The following NELL1 variants were observed in gnomAD, a reference collection of about 807,000 sequenced individuals.
The protein encoded by NELL1 is neural EGFL like 1.
Under a neutral mutation model 107.4 loss-of-function variants are expected in NELL1, and 76 were observed. The observed-to-expected ratio is 0.71, with a 90% CI of 0.59 to 0.86. The LOEUF (loss-of-function observed/expected upper bound fraction) is 0.86, where lower values mean the gene tolerates loss of function less well. Among genes scored for constraint, NELL1 ranks in the 40% least tolerant of loss-of-function variants. The probability of loss-of-function intolerance (pLI) is 0.00; values close to 1 mark genes in which losing one functional copy is unlikely to be tolerated. For synonymous variants in NELL1, 353 were observed against 341.2 expected, an observed-to-expected ratio of 1.03 and a Z score of -0.38; for missense variants, 1,024 against 1,005.5, an observed-to-expected ratio of 1.02 and a Z score of -0.25.
At chr11:21,084,843 C>T (rs552858217) in intron 12 of NELL1, among the ~76,000 whole-genome samples, 3 of 152,222 alleles carry the variant, frequency 2.0e-5, no homozygotes, top group African/African-American at 7.2e-5. Flanking sequence ...ATACACTGTC[C>T]AGGATTTTCC....
chr11:21,194,905 G>A (rs1171113733), intron 13 of NELL1, among the ~76,000 whole-genome samples: 1 of 152,086 alleles, frequency 6.6e-6, no homozygotes, highest in Non-Finnish European at 1.5e-5. Flanking sequence ...CAGATTACAG[G>A]GGTCCATGCT....
chr11:21,376,338 A>G (rs553622486), intron 15 of NELL1, among the ~76,000 whole-genome samples: 117 of 152,016 alleles, frequency 7.7e-4, no homozygotes, highest in Middle Eastern at 3.4e-3. Context: ...TGTCAACTTT[A>G]TTGAAGATCA....
intron 13 of NELL1, among the ~76,000 whole-genome samples, chr11:21,192,121 T>G (rs529894015): frequency 6.6e-6 from 1 of 151,922 alleles, no homozygotes; most frequent in Non-Finnish European, 1.5e-5. Flanking sequence ...ATAATTATGG[T>G]TCTTTATTTC....
chr11:21,093,677 G>A (rs1193140817), intron 12 of NELL1, among the ~76,000 whole-genome samples: 1 of 152,216 alleles, frequency 6.6e-6, no homozygotes, highest in African/African-American at 2.4e-5. Context: ...AAGGCAATGA[G>A]GAGCAAGTCA....
At chr11:21,475,854 C>T (rs555648038) in intron 15 of NELL1, among the ~76,000 whole-genome samples, 12 of 152,242 alleles carry the variant, frequency 7.9e-5, no homozygotes, top group African/African-American at 2.9e-4. Flanking sequence ...GGGTAGAATC[C>T]AGAATTTCAT....
At chr11:20,955,717 A>G (rs929014875) in intron 11 of NELL1, among the ~76,000 whole-genome samples, 5 of 152,174 alleles carry the variant, frequency 3.3e-5, no homozygotes, top group African/African-American at 1.2e-4. Context: ...CATTTAAAAC[A>G]CCTAGCATGC....
intron 5 of NELL1, among the ~76,000 whole-genome samples, chr11:20,908,455 G>A (rs377344966): frequency 6.6e-5 from 10 of 152,142 alleles, no homozygotes; most frequent in African/African-American, 2.4e-4. Context: ...TAACACAGAA[G>A]GAGAAAACCA....
At chr11:21,404,273 C>T (rs1361354775) in intron 15 of NELL1, among the ~76,000 whole-genome samples, 1 of 151,910 alleles carries the variant, frequency 6.6e-6, no homozygotes, top group Non-Finnish European at 1.5e-5. Context: ...TTACTGGACC[C>T]ACAGTAGGTC....
At chr11:20,947,175 A>G (rs1003994884) in intron 10 of NELL1, among the ~76,000 whole-genome samples, 161 bp from the exon 11 acceptor site, 6 of 152,178 alleles carry the variant, frequency 3.9e-5, no homozygotes, top group African/African-American at 9.7e-5. Context: ...CAGGGGTCTC[A>G]TTAATTTAAT....
intron 12 of NELL1, among the ~76,000 whole-genome samples, chr11:21,111,245 A>G (rs796600094): frequency 3.3e-5 from 5 of 152,174 alleles, no homozygotes; most frequent in African/African-American, 9.6e-5. Flanking sequence ...TGCGAGGTCT[A>G]TGTGGCATTT....
At chr11:20,928,568 C>G in intron 9 of NELL1, 89 bp downstream of exon 9, 1 of 1,010,024 alleles carries the variant, frequency 9.9e-7, no homozygotes, top group Non-Finnish European at 1.5e-6. Context: ...AACTGATTGA[C>G]ATTGATGAAA....
At position 21,328,876 on chromosome 11, in the gene NELL1, A is replaced by C. The variant is rs192651166; in HGVS notation, c.1550-41977A>C. On this transcript the variant is annotated intron_variant, in intron 14 of 19. Coordinates refer to ENST00000357134, the MANE Select transcript of NELL1 (RefSeq NM_006157.5). ...CCCTTTGTTTTGGCCAATTTCTCCC[A>C]TTTTTAATGGGTGTATTTACCCAAT... Among the ~76,000 whole-genome samples, 351 of 152,218 alleles carry C rather than the reference A, an allele frequency of 2.3e-3. 5 individuals are homozygous for C. Among genetic ancestry groups the C allele is most frequent in the African/African-American group, 8.0e-3 (333 of 41,536 alleles).
chr11:21,088,045 G>A (rs982975816), intron 12 of NELL1, among the ~76,000 whole-genome samples: 11 of 150,042 alleles, frequency 7.3e-5, no homozygotes, highest in Non-Finnish European at 1.2e-4. Context: ...TGTTTTCTGT[G>A]AGTCCCAGTA....
chr11:20,985,691 T>C (rs1201520812), intron 12 of NELL1, among the ~76,000 whole-genome samples: 1 of 152,190 alleles, frequency 6.6e-6, no homozygotes, highest in Non-Finnish European at 1.5e-5. Context: ...GTCTTTTCCT[T>C]TATCTGAAGA....
At chr11:21,307,667 A>G (rs934247606) in intron 14 of NELL1, among the ~76,000 whole-genome samples, 11 of 152,026 alleles carry the variant, frequency 7.2e-5, no homozygotes, top group African/African-American at 2.7e-4. Context: ...GACCCAGGAC[A>G]CAAACTGGTT....
intron 2 of NELL1, among the ~76,000 whole-genome samples, chr11:20,693,887 A>G (rs1469423780): frequency 6.6e-6 from 1 of 152,172 alleles, no homozygotes; most frequent in African/African-American, 2.4e-5. Flanking sequence ...GTGTTTTCCA[A>G]CTTGGTTCCA....
At chr11:21,253,307 G>A (rs1858686164) in intron 14 of NELL1, among the ~76,000 whole-genome samples, 2 of 151,948 alleles carry the variant, frequency 1.3e-5, no homozygotes, top group African/African-American at 2.4e-5. Flanking sequence ...TTATCTGTCT[G>A]TATATACTGC....
intron 1 of NELL1, 100 bp from the exon 2 acceptor site, chr11:20,677,832 T>C (rs1854096322): frequency 2.2e-6 from 3 of 1,394,098 alleles, no homozygotes; most frequent in African/African-American, 1.4e-5. Context: ...GCACTCATCA[T>C]TGGCTTCCTT....
chr11:21,375,489 C>T (rs933808927), intron 15 of NELL1, among the ~76,000 whole-genome samples: 1 of 152,098 alleles, frequency 6.6e-6, no homozygotes, highest in Non-Finnish European at 1.5e-5. Flanking sequence ...TTGTGAATGT[C>T]TACTGTGAAT....
Sources: allele counts gnomAD v4.1 joint callset (sites outside exome capture counted in the v4.1 genomes callset), GRCh38; gene constraint gnomAD v4.1.1; transcripts MANE v1.5; gene names NCBI Gene and HGNC (gene_info 2026-07-23, HGNC 2026-07-21).